Variants in ZBTB20 observed in about 807,000 individuals in gnomAD.
ZBTB20 encodes the protein zinc finger and BTB domain-containing protein 20.
A neutral mutation model predicts 56.9 loss-of-function variants in ZBTB20; 9 were observed. That is an observed-to-expected ratio of 0.16 (90% CI 0.10 to 0.28). ZBTB20 has a LOEUF of 0.28. Ranked by LOEUF, ZBTB20 falls within the 10% of genes least tolerant of loss-of-function variation. The pLI is 1.00. For synonymous variants in ZBTB20, 417 were observed against 420.7 expected (o/e 0.99, Z 0.11); for missense variants, 655 against 1,003.0 (o/e 0.65, Z 4.69).
intron 6 of ZBTB20, among the ~76,000 whole-genome samples, chr3:114,579,021 T>TAACC (rs1355893970): frequency 6.6e-6 from 1 of 151,848 alleles, no homozygotes; most frequent in African/African-American, 2.4e-5. Context: ...GATGCTATGT[T>TAACC]AACCACCTTT....
chr3:115,069,438 A>G (rs569468571), intron 2 of ZBTB20, among the ~76,000 whole-genome samples: 42 of 152,192 alleles, frequency 2.8e-4, no homozygotes, highest in African/African-American at 1.0e-3. Context: ...ACCTCCACTA[A>G]TATGCCACGA....
At chr3:114,382,463 C>T (rs770085611) in intron 8 of ZBTB20, among the ~76,000 whole-genome samples, 1 of 152,216 alleles carries the variant, frequency 6.6e-6, no homozygotes, top group Non-Finnish European at 1.5e-5. Context: ...TGGGAATCTA[C>T]ATTCTGGGCT....
intron 6 of ZBTB20, among the ~76,000 whole-genome samples, chr3:114,586,330 G>GCAAGC (rs900840870): frequency 2.2e-4 from 34 of 152,178 alleles, no homozygotes; most frequent in African/African-American, 7.7e-4. Flanking sequence ...TGACTACAAA[G>GCAAGC]CAAGCCTGTG....
intron 4 of ZBTB20, among the ~76,000 whole-genome samples, chr3:114,817,871 G>A (rs2108905579): frequency 6.6e-6 from 1 of 152,218 alleles, no homozygotes; most frequent in African/African-American, 2.4e-5. Flanking sequence ...ATTACATGGG[G>A]AAAGCAAGTT....
At chr3:114,742,813 C>T (rs1245553172) in intron 5 of ZBTB20, among the ~76,000 whole-genome samples, 2 of 152,126 alleles carry the variant, frequency 1.3e-5, no homozygotes, top group Non-Finnish European at 2.9e-5. Flanking sequence ...ATCAGAATTT[C>T]TTGTACCTGG....
intron 2 of ZBTB20, among the ~76,000 whole-genome samples, chr3:114,985,209 T>C (rs1228689157): frequency 6.6e-6 from 1 of 152,108 alleles, no homozygotes; most frequent in African/African-American, 2.4e-5. Context: ...CCCCTAGGTG[T>C]CATGCCTGGC....
intron 6 of ZBTB20, among the ~76,000 whole-genome samples, chr3:114,613,245 T>A (rs1188088343): frequency 6.6e-6 from 1 of 152,150 alleles, no homozygotes; most frequent in Non-Finnish European, 1.5e-5. Context: ...GAGTTTGGAC[T>A]GGAAGACTGG....
intron 2 of ZBTB20, among the ~76,000 whole-genome samples, chr3:115,068,684 C>T (rs1219507292): frequency 6.6e-6 from 1 of 152,022 alleles, no homozygotes; most frequent in Non-Finnish European, 1.5e-5. Context: ...CCATTATAGG[C>T]CCCGAAAGTG....
intron 7 of ZBTB20, among the ~76,000 whole-genome samples, chr3:114,488,158 G>C (rs747768651): frequency 1.1e-4 from 17 of 152,198 alleles, no homozygotes; most frequent in Admixed American, 1.1e-3. Flanking sequence ...GGTCTCTGGT[G>C]GTGCTTTGCT....
At chr3:114,925,347 C>A (rs1017350735) in intron 3 of ZBTB20, among the ~76,000 whole-genome samples, 2 of 152,002 alleles carry the variant, frequency 1.3e-5, no homozygotes, top group African/African-American at 4.8e-5. Context: ...TCATTTCAAC[C>A]ATATTCCCTT....
intron 2 of ZBTB20, among the ~76,000 whole-genome samples, chr3:114,989,198 T>C (rs934720794): frequency 9.2e-5 from 14 of 152,192 alleles, no homozygotes; most frequent in African/African-American, 2.2e-4. Flanking sequence ...CTGAATGGTA[T>C]TGCCTAGGTT....
At chr3:114,961,169 T>G (rs2107973602) in intron 3 of ZBTB20, among the ~76,000 whole-genome samples, 1 of 150,880 alleles carries the variant, frequency 6.6e-6, no homozygotes, top group Non-Finnish European at 1.5e-5. Context: ...GGTCCAGCGG[T>G]TTTAAGAGGA....
At chr3:114,537,636 G>A (rs1390846277) in intron 6 of ZBTB20, among the ~76,000 whole-genome samples, 1 of 152,080 alleles carries the variant, frequency 6.6e-6, no homozygotes, top group Non-Finnish European at 1.5e-5. Context: ...CCATTACTGA[G>A]TACATACCCA....
At chr3:115,016,840 C>T (rs745329649) in intron 2 of ZBTB20, among the ~76,000 whole-genome samples, 5 of 151,390 alleles carry the variant, frequency 3.3e-5, no homozygotes, top group Non-Finnish European at 5.9e-5. Context: ...CATCCCTTCA[C>T]GTTAAAAACT....
intron 6 of ZBTB20, among the ~76,000 whole-genome samples, chr3:114,691,522 T>C (rs2062696739): frequency 6.6e-6 from 1 of 152,062 alleles, no homozygotes; most frequent in Admixed American, 6.6e-5. Context: ...TCATTTACTG[T>C]TTATGCAAGG....
chr3:114,961,500 T>TAAAACA (rs1346505749), intron 3 of ZBTB20, among the ~76,000 whole-genome samples: 1 of 152,104 alleles, frequency 6.6e-6, no homozygotes, highest in Non-Finnish European at 1.5e-5. Flanking sequence ...TTTCACATGA[T>TAAAACA]AAAACAAGAA....
chr3:114,400,402 G>C (rs1163743622), intron 7 of ZBTB20, among the ~76,000 whole-genome samples: 1 of 152,154 alleles, frequency 6.6e-6, no homozygotes, highest in Non-Finnish European at 1.5e-5. Flanking sequence ...GTGGAGTACT[G>C]AATCAATGTT....
intron 6 of ZBTB20, among the ~76,000 whole-genome samples, chr3:114,600,731 A>G (rs566184705): frequency 6.6e-6 from 1 of 152,158 alleles, no homozygotes; most frequent in Admixed American, 6.6e-5. Context: ...GCCTATAAAT[A>G]AAATGAAACT....
intron 2 of ZBTB20, among the ~76,000 whole-genome samples, chr3:115,060,553 G>C (rs1257416178): frequency 6.6e-6 from 1 of 152,068 alleles, no homozygotes; most frequent in African/African-American, 2.4e-5. Context: ...TTAAGTTCTT[G>C]AAAGGAGCTT....
Sources: gnomAD v4.1 joint callset for allele counts (sites outside exome capture counted in the v4.1 genomes callset) on GRCh38, gnomAD v4.1.1 for gene constraint, MANE v1.5 for transcripts, NCBI Gene and HGNC (gene_info 2026-07-23, HGNC 2026-07-21) for gene names.